Variants in ULK2 observed in about 807,000 individuals in gnomAD.
The protein encoded by ULK2 is serine/threonine-protein kinase ULK2.
ULK2 carries 76 observed loss-of-function variants against 127.5 expected under a neutral mutation model. The ratio of observed to expected loss-of-function variants is 0.60; its 90% CI spans 0.50 to 0.72. ULK2 has a LOEUF of 0.72. Ranked by LOEUF, ULK2 falls within the 30% of genes least tolerant of loss-of-function variation. The pLI is 0.00. For synonymous variants in ULK2, 452 were observed against 461.9 expected (o/e 0.98, Z 0.28); for missense variants, 1,144 against 1,295.9 (o/e 0.88, Z 1.80).
At chr17:19,845,602 C>A (rs2041861881) in intron 6 of ULK2, among the ~76,000 whole-genome samples, 1 of 152,072 alleles carries the variant, frequency 6.6e-6, no homozygotes, top group Non-Finnish European at 1.5e-5. Context: ...AGATTTGTAA[C>A]CAAGGTGTAC....
intron 14 of ULK2, among the ~76,000 whole-genome samples, chr17:19,807,129 G>C (rs1298321912): frequency 6.6e-6 from 1 of 152,204 alleles, no homozygotes; most frequent in Non-Finnish European, 1.5e-5. Flanking sequence ...AAGAGCTCCT[G>C]TGAAACTCAA....
chr17:19,801,724 A>G, intron 16 of ULK2, 53 bp downstream of exon 16: 1 of 1,605,366 alleles, frequency 6.2e-7, no homozygotes, highest in Non-Finnish European at 8.5e-7. Context: ...GTCATGTCAG[A>G]TTTATTACAG....
Position 19,845,458 on chromosome 17 carries a change from C to T in ULK2, c.470-81G>A, listed in dbSNP as rs2041858808. 13 of 1,063,682 alleles carry T rather than the reference C, an allele frequency of 1.2e-5. No homozygotes were observed. In the East Asian group the frequency reaches 3.3e-4, roughly 27 times the overall value. The allele number at this position is 1,063,682 out of a possible 1,614,324, so 65.9% of individuals were successfully genotyped here. ...ATATATCATATGATTCTTCGAGACA[C>T]AAGAAGGCACAAAGGACTGTGAAAA... On this transcript the variant is annotated intron_variant, in intron 6 of 26. Transcript: ENST00000395544.
intron 25 of ULK2, 133 bp from the exon 26 acceptor site, chr17:19,777,849 T>A: frequency 8.9e-7 from 1 of 1,119,378 alleles, no homozygotes; most frequent in Non-Finnish European, 1.2e-6. Flanking sequence ...TCTGCAAAAC[T>A]ACATAAAACT....
In ULK2 at chr17:19,799,416, T is replaced by C. The variant is rs536611271; in HGVS notation, c.1522+79A>G. 30 of 1,234,742 alleles carry C rather than the reference T, an allele frequency of 2.4e-5. No individual in the cohort carries two copies. In the African/African-American group the frequency reaches 3.5e-4, roughly 15 times the overall value. 76.5% of individuals were successfully genotyped at this position (1,234,742 alleles called of 1,614,324 possible). ...GATATTTCATATCAATTCTGTTCTT[T>C]GATAAAACTAGAAAAACACAACTCA... On this transcript the variant is annotated intron_variant, in intron 17 of 26. Transcript: ENST00000395544.
intron 3 of ULK2, among the ~76,000 whole-genome samples, chr17:19,852,633 AT>A (rs777899834): frequency 0.013 from 1,883 of 143,224 alleles, 27 homozygotes; most frequent in African/African-American, 0.041. Context: ...AATAAAGTAA[AT>A]TTTTTTTTTT....
intron 7 of ULK2, among the ~76,000 whole-genome samples, chr17:19,844,561 A>ATATAAAAT (rs1454383137): frequency 2.0e-5 from 3 of 151,884 alleles, no homozygotes; most frequent in Non-Finnish European, 4.4e-5. Context: ...TTTAAAATTT[A>ATATAAAAT]TATAAAATTA....
At chr17:19,835,002 A>G (rs182203103) in intron 10 of ULK2, among the ~76,000 whole-genome samples, 6 of 152,230 alleles carry the variant, frequency 3.9e-5, no homozygotes, top group African/African-American at 1.4e-4. Flanking sequence ...AAGACTGTAT[A>G]AAGCAATCGT....
chr17:19,825,813 C>T (rs2041275600), intron 11 of ULK2, among the ~76,000 whole-genome samples: 1 of 150,960 alleles, frequency 6.6e-6, no homozygotes, highest in East Asian at 2.0e-4. Flanking sequence ...ATGGAGAAAC[C>T]CCATCTCTAC....
chr17:19,837,517 C>T (rs954125924), intron 10 of ULK2, among the ~76,000 whole-genome samples: 2 of 152,226 alleles, frequency 1.3e-5, no homozygotes, highest in African/African-American at 4.8e-5. Context: ...GCACTTCTGA[C>T]ATCGACACTT....
chr17:19,790,092 G>T (rs140556604), intron 20 of ULK2, among the ~76,000 whole-genome samples: 394 of 152,246 alleles, frequency 2.6e-3, no homozygotes, highest in African/African-American at 9.1e-3. Flanking sequence ...CTTATTGCTT[G>T]TTTATGCAAT....
At chr17:19,859,028 G>A (rs984543181) in intron 3 of ULK2, among the ~76,000 whole-genome samples, 1 of 152,102 alleles carries the variant, frequency 6.6e-6, no homozygotes, top group Non-Finnish European at 1.5e-5. Context: ...GGTGGCTCAC[G>A]CCTATAATCC....
chr17:19,793,819 T>C lies in ULK2; in HGVS notation c.2101+1803A>G, dbSNP rs373490246. Among the ~76,000 whole-genome samples, 39 of 152,300 alleles carry C rather than the reference T, an allele frequency of 2.6e-4. No homozygotes were observed. In the South Asian group the frequency reaches 8.1e-3, roughly 32 times the overall value. ...CATACCCAGCCTCAATTAAAAGGCATGCTAAAAGGCAAAAGTACAGTTTGA... is the reference window on the plus strand; with the variant it reads ...CATACCCAGCCTCAATTAAAAGGCACGCTAAAAGGCAAAAGTACAGTTTGA... On this transcript the variant is annotated intron_variant, in intron 20 of 26. Coordinates refer to ENST00000395544, the MANE Select transcript of ULK2 (RefSeq NM_014683.4).
chr17:19,814,448 T>A (rs7225917), intron 13 of ULK2, among the ~76,000 whole-genome samples: 376 of 8,060 alleles, frequency 0.047, 17 homozygotes, highest in African/African-American at 0.13. Flanking sequence ...ATTTTTTTTT[T>A]TTTTTTTTTT....
intron 10 of ULK2, among the ~76,000 whole-genome samples, chr17:19,826,583 G>A (rs1247126956): frequency 6.6e-6 from 1 of 152,168 alleles, no homozygotes; most frequent in East Asian, 1.9e-4. Context: ...TGTCCTAAGA[G>A]GAAATTGATA....
chr17:19,804,688 C>A lies in ULK2; in HGVS notation c.1295+5G>T. The A allele has an allele frequency of 6.3e-7, 1 of 1,581,544 alleles. No homozygotes were observed. Among genetic ancestry groups the A allele is most frequent in the Non-Finnish European group, 8.6e-7 (1 of 1,164,492 alleles). Reference sequence around the variant, plus strand: ...AATTAAGCAAGAAAAAAGCTACTAACTTACCTTGGAGAACCATGTACATTT... The same window carrying A: ...AATTAAGCAAGAAAAAAGCTACTAAATTACCTTGGAGAACCATGTACATTT... On this transcript the variant is annotated splice_donor_5th_base_variant and intron_variant, in intron 15 of 26. Transcript: ENST00000395544.
Position 19,772,829 on chromosome 17 carries a change from T to C in ULK2, c.*3520A>G, listed in dbSNP as rs2086755259. 1 of 151,530 alleles carries C rather than the reference T, an allele frequency of 6.6e-6. No individual in the cohort carries two copies. Among genetic ancestry groups the C allele is most frequent in the Non-Finnish European group, 1.5e-5 (1 of 68,016 alleles). The allele number at this position is 151,530 out of a possible 1,614,324, so 9.4% of individuals were successfully genotyped here. ...TGCCTCTACTAAAAAATACAAAAAA[T>C]CAGCCGGGCGTGGTGGCAGGCGCCT... On this transcript the variant is annotated 3_prime_UTR_variant, in exon 27 of 27. Transcript: ENST00000395544.
chr17:19,802,180 G>A (rs958739050), intron 15 of ULK2, among the ~76,000 whole-genome samples: 4 of 152,096 alleles, frequency 2.6e-5, no homozygotes, highest in Non-Finnish European at 5.9e-5. Context: ...TCCTTCCAGA[G>A]TTCCTTAATG....
intron 3 of ULK2, among the ~76,000 whole-genome samples, chr17:19,853,424 C>G (rs970433887): frequency 6.6e-6 from 1 of 152,072 alleles, no homozygotes; most frequent in African/African-American, 2.4e-5. Context: ...AAGCATGAGC[C>G]ACCGCACCTG....
Sources: gnomAD v4.1 joint callset for allele counts (sites outside exome capture counted in the v4.1 genomes callset) on GRCh38, gnomAD v4.1.1 for gene constraint, MANE v1.5 for transcripts, NCBI Gene and HGNC (gene_info 2026-07-23, HGNC 2026-07-21) for gene names.